Variants in COBL observed in about 807,000 individuals in gnomAD.
The protein encoded by COBL is protein cordon-bleu.
Under a neutral mutation model 98.8 loss-of-function variants are expected in COBL, and 51 were observed. That is an observed-to-expected ratio of 0.52 (90% CI 0.41 to 0.65). The LOEUF (loss-of-function observed/expected upper bound fraction) is 0.65. COBL is among the 30% of genes least tolerant of loss of function. COBL has a pLI of 0.00. For synonymous variants in COBL, 634 were observed against 651.7 expected (o/e 0.97, Z 0.41); for missense variants, 1,617 against 1,617.5 (o/e 1.00, Z 0.01).
chr7:51,043,717 G>T, intron 7 of COBL, 25 bp from the exon 8 acceptor site: 2 of 1,599,550 alleles, frequency 1.3e-6, no homozygotes, highest in Non-Finnish European at 1.7e-6. Flanking sequence ...GCAAGGACAG[G>T]TCAGCCCAAA....
chr7:51,252,271 T>A (rs2129138260), intron 1 of COBL, among the ~76,000 whole-genome samples: 1 of 152,342 alleles, frequency 6.6e-6, no homozygotes, highest in Non-Finnish European at 1.5e-5. Flanking sequence ...GTACATGTTT[T>A]TCATATATTC....
chr7:51,077,148 T>A (rs1361936391), intron 7 of COBL, among the ~76,000 whole-genome samples: 1 of 152,180 alleles, frequency 6.6e-6, no homozygotes, highest in Non-Finnish European at 1.5e-5. Context: ...CACAACTGTA[T>A]TGGTTTAGAC....
intron 2 of COBL, among the ~76,000 whole-genome samples, chr7:51,203,858 T>G (rs1179607290): frequency 2.0e-5 from 3 of 152,166 alleles, no homozygotes; most frequent in Admixed American, 6.5e-5. Flanking sequence ...AAAGAGGGCC[T>G]ATTTCCAAAC....
chr7:51,229,102 G>A (rs951353679), intron 1 of COBL, among the ~76,000 whole-genome samples: 2 of 152,086 alleles, frequency 1.3e-5, no homozygotes, highest in Non-Finnish European at 1.5e-5. Flanking sequence ...GCTTTCTACC[G>A]CACAGCCAAC....
intron 5 of COBL, among the ~76,000 whole-genome samples, chr7:51,161,260 A>G (rs1786774498): frequency 6.6e-6 from 1 of 152,234 alleles, no homozygotes; most frequent in South Asian, 2.1e-4. Context: ...CGCATTTGCA[A>G]GTTCTCTGTA....
At chr7:51,145,053 C>T (rs1042597459) in intron 5 of COBL, among the ~76,000 whole-genome samples, 8 of 152,184 alleles carry the variant, frequency 5.3e-5, no homozygotes, top group East Asian at 3.9e-4. Flanking sequence ...TTGCTCTTGT[C>T]GCCCAGGCTG....
At chr7:51,243,327 T>C (rs1184795837) in intron 1 of COBL, among the ~76,000 whole-genome samples, 1 of 152,170 alleles carries the variant, frequency 6.6e-6, no homozygotes, top group Non-Finnish European at 1.5e-5. Context: ...GCGAGTCACC[T>C]CACCCCTCTG....
At chr7:51,277,653 C>T (rs946361271) in intron 1 of COBL, among the ~76,000 whole-genome samples, 4 of 151,988 alleles carry the variant, frequency 2.6e-5, no homozygotes, top group Admixed American at 1.3e-4. Context: ...AAGGGATGGA[C>T]GGGCTGCTAG....
chr7:51,274,119 C>T (rs1026801724), intron 1 of COBL, among the ~76,000 whole-genome samples: 4 of 152,170 alleles, frequency 2.6e-5, no homozygotes, highest in Admixed American at 1.3e-4. Context: ...CTCCCCTTCC[C>T]CAGCACAGGA....
At position 51,234,716 on chromosome 7, in the gene COBL, A is replaced by G. The variant is rs369127530; in HGVS notation, c.42-14772T>C. Among the ~76,000 whole-genome samples, 273 of 151,322 alleles carry G rather than the reference A, an allele frequency of 1.8e-3. 8 individuals carry two copies. In the South Asian group the frequency reaches 0.041, roughly 23 times the overall value. On this transcript the variant is annotated intron_variant, in intron 1 of 12. Transcript: ENST00000265136. ...GCCCTGTTTCAGAAAAAAAAAAAAA[A>G]AAAGAAAGAAAGAAAGAAAAAGAAA...
intron 12 of COBL, 145 bp from the exon 13 acceptor site, chr7:51,017,713 G>C: frequency 1.2e-6 from 1 of 849,982 alleles, no homozygotes; most frequent in Non-Finnish European, 1.9e-6. Flanking sequence ...CTGCAGAAAG[G>C]AGGCTGTGAT....
At chr7:51,266,960 A>C (rs1798271981) in intron 1 of COBL, among the ~76,000 whole-genome samples, 1 of 152,114 alleles carries the variant, frequency 6.6e-6, no homozygotes, top group Non-Finnish European at 1.5e-5. Context: ...ATAACATACG[A>C]TTACAAATAA....
intron 2 of COBL, among the ~76,000 whole-genome samples, chr7:51,196,632 C>T (rs978623678): frequency 2.0e-5 from 3 of 151,874 alleles, no homozygotes; most frequent in African/African-American, 7.3e-5. Context: ...GCTGTGAATC[C>T]GTTTGCTCCT....
At chr7:51,187,310 GTA>G (rs67807746) in intron 4 of COBL, among the ~76,000 whole-genome samples, 50,651 of 138,130 alleles carry the variant, frequency 0.37, 10,791 homozygotes, top group Non-Finnish European at 0.5. Flanking sequence ...ATATGTTTAA[GTA>G]TATATATATA....
rs115622530 is a variant in COBL, at chr7:51,197,002, A to C, written c.246-3413T>G. ...TCCAGGATTCACTGATCCTTTGAAT[A>C]ATTTTTCGTGTCTCAATCTCCTTCA... On this transcript the variant is annotated intron_variant, in intron 2 of 12. Transcript: ENST00000265136. 3.4e-3 allele frequency among the ~76,000 whole-genome samples: 506 copies of C among 150,366 alleles called. 3 individuals carry two copies. Among genetic ancestry groups the C allele is most frequent in the African/African-American group, 0.012 (485 of 41,160 alleles).
intron 6 of COBL, among the ~76,000 whole-genome samples, chr7:51,089,243 G>A (rs1794573960): frequency 6.6e-6 from 1 of 152,148 alleles, no homozygotes; most frequent in African/African-American, 2.4e-5. Context: ...GCTGGGCACA[G>A]TGACTCATGC....
At chr7:51,220,738 A>G (rs1793551279) in intron 1 of COBL, among the ~76,000 whole-genome samples, 1 of 152,150 alleles carries the variant, frequency 6.6e-6, no homozygotes, top group Non-Finnish European at 1.5e-5. Flanking sequence ...TCCATCACCC[A>G]GGTAGTGAGC....
chr7:51,085,079 G>A (rs1794069392), intron 7 of COBL, 87 bp downstream of exon 7: 1 of 1,591,168 alleles, frequency 6.3e-7, no homozygotes. Context: ...TTATGGATGA[G>A]GCCACTGCAG....
At chr7:51,061,315 G>A (rs991949416) in intron 7 of COBL, among the ~76,000 whole-genome samples, 5 of 151,906 alleles carry the variant, frequency 3.3e-5, no homozygotes, top group Non-Finnish European at 1.5e-5. Flanking sequence ...TGGGACATAC[G>A]CGACTTCCAT....
Sources: gnomAD v4.1 joint callset for allele counts (sites outside exome capture counted in the v4.1 genomes callset) on GRCh38, gnomAD v4.1.1 for gene constraint, MANE v1.5 for transcripts, NCBI Gene and HGNC (gene_info 2026-07-23, HGNC 2026-07-21) for gene names.